Variants in UNC5D observed in about 807,000 individuals in gnomAD.
UNC5D encodes unc-5 netrin receptor D, also known as netrin receptor UNC5D.
In UNC5D, 39 loss-of-function variants were observed where a neutral mutation model predicts 105.4. That is an observed-to-expected ratio of 0.37 (90% confidence interval 0.29 to 0.48). The LOEUF (loss-of-function observed/expected upper bound fraction) is 0.48. Ranked by LOEUF, UNC5D falls within the 20% of genes least tolerant of loss-of-function variation. UNC5D has a pLI of 0.98. For missense variants in UNC5D, 991 were observed against 1,202.4 expected (o/e 0.82, Z 2.60); for synonymous variants, 452 against 450.4 (o/e 1.00, Z -0.04).
intron 4 of UNC5D, among the ~76,000 whole-genome samples, chr8:35,647,326 T>C (rs1823113507): frequency 6.6e-6 from 1 of 152,016 alleles, no homozygotes; most frequent in African/African-American, 2.4e-5. Flanking sequence ...TTCTTTAGGC[T>C]ATGGTACATT....
At chr8:35,258,481 T>G (rs1455828129) in intron 1 of UNC5D, among the ~76,000 whole-genome samples, 1 of 152,184 alleles carries the variant, frequency 6.6e-6, no homozygotes, top group Non-Finnish European at 1.5e-5. Flanking sequence ...TTATGAGCTG[T>G]GTGTCCTTAG....
At chr8:35,405,342 A>G (rs1314562413) in intron 1 of UNC5D, among the ~76,000 whole-genome samples, 1 of 152,190 alleles carries the variant, frequency 6.6e-6, no homozygotes, top group Non-Finnish European at 1.5e-5. Flanking sequence ...TTGTATCCTA[A>G]TTAACATGTT....
intron 16 of UNC5D, among the ~76,000 whole-genome samples, chr8:35,789,808 G>A (rs1802944827): frequency 6.6e-6 from 1 of 151,754 alleles, no homozygotes; most frequent in Non-Finnish European, 1.5e-5. Context: ...AGTAGAGAGG[G>A]GTCAAATATT....
At chr8:35,293,616 T>C (rs1279965414) in intron 1 of UNC5D, among the ~76,000 whole-genome samples, 1 of 152,206 alleles carries the variant, frequency 6.6e-6, no homozygotes, top group Non-Finnish European at 1.5e-5. Flanking sequence ...CCACAATCTC[T>C]TTCGTGATTT....
intron 16 of UNC5D, among the ~76,000 whole-genome samples, chr8:35,780,420 A>G (rs548288407): frequency 6.6e-6 from 1 of 152,184 alleles, no homozygotes; most frequent in South Asian, 2.1e-4. Flanking sequence ...CATCCTATTA[A>G]TTGGATGCAA....
At chr8:35,602,399 G>A (rs1386731072) in intron 4 of UNC5D, among the ~76,000 whole-genome samples, 1 of 152,162 alleles carries the variant, frequency 6.6e-6, no homozygotes, top group Non-Finnish European at 1.5e-5. Context: ...TGTACCTCTG[G>A]TAGAATTCGG....
At chr8:35,551,006 G>A (rs1177790796) in intron 2 of UNC5D, among the ~76,000 whole-genome samples, 1 of 152,192 alleles carries the variant, frequency 6.6e-6, no homozygotes, top group East Asian at 1.9e-4. Context: ...TCAATGGCAT[G>A]AAAGGCCTCA....
chr8:35,259,169 G>A (rs949846626), intron 1 of UNC5D, among the ~76,000 whole-genome samples: 1 of 152,136 alleles, frequency 6.6e-6, no homozygotes, highest in Admixed American at 6.5e-5. Flanking sequence ...CTAACAGTGG[G>A]GTGGAGAAGG....
intron 1 of UNC5D, among the ~76,000 whole-genome samples, chr8:35,297,413 G>T (rs538217217): frequency 3.4e-4 from 51 of 152,230 alleles, no homozygotes; most frequent in African/African-American, 1.1e-3. Context: ...ATGATGTCGT[G>T]ACCAACTGCT....
chr8:35,670,237 TGACCTTAGCAAGAGCCAC>T (rs2131271073), intron 4 of UNC5D, among the ~76,000 whole-genome samples: 1 of 152,282 alleles, frequency 6.6e-6, no homozygotes, highest in South Asian at 2.1e-4. Flanking sequence ...AAATCCTTAA[TGACCTTAGCAAGAGCCAC>T]TTCGGTGATT....
chr8:35,579,500 C>T (rs911064811), intron 3 of UNC5D, among the ~76,000 whole-genome samples: 3 of 152,010 alleles, frequency 2.0e-5, no homozygotes, highest in Admixed American at 2.0e-4. Context: ...TTTACTGATC[C>T]CTGAGGCCTA....
At chr8:35,455,575 G>A (rs916824713) in intron 1 of UNC5D, among the ~76,000 whole-genome samples, 4 of 151,858 alleles carry the variant, frequency 2.6e-5, no homozygotes, top group African/African-American at 7.3e-5. Context: ...CACCACACCA[G>A]GCCAAAGGTA....
chr8:35,253,710 C>T (rs1301566432), intron 1 of UNC5D, among the ~76,000 whole-genome samples: 3 of 151,786 alleles, frequency 2.0e-5, no homozygotes, highest in Non-Finnish European at 2.9e-5. Context: ...AGGATGATTT[C>T]GATTTCCTGA....
At chr8:35,755,246 T>TAAGA (rs1262331746) in intron 13 of UNC5D, among the ~76,000 whole-genome samples, 1 of 152,084 alleles carries the variant, frequency 6.6e-6, no homozygotes, top group African/African-American at 2.4e-5. Context: ...CTATCTTATC[T>TAAGA]AAGAAAGAAA....
chr8:35,757,159 T>C (rs57917672), intron 13 of UNC5D, among the ~76,000 whole-genome samples: 11,424 of 152,230 alleles, frequency 0.075, 1,171 homozygotes, highest in African/African-American at 0.23. Context: ...TAGAATTTTA[T>C]GCTGCTATCT....
intron 1 of UNC5D, among the ~76,000 whole-genome samples, chr8:35,450,342 T>C (rs1563430313): frequency 6.6e-6 from 1 of 152,122 alleles, no homozygotes; most frequent in Non-Finnish European, 1.5e-5. Flanking sequence ...CGGAGAATAA[T>C]CCTCAAAAAG....
chr8:35,246,011 C>G (rs558317674), intron 1 of UNC5D, among the ~76,000 whole-genome samples: 10 of 152,256 alleles, frequency 6.6e-5, no homozygotes, highest in African/African-American at 2.4e-4. Flanking sequence ...TATGCTCGGT[C>G]TTTTCTTGTT....
At chr8:35,401,782 G>A (rs539062925) in intron 1 of UNC5D, among the ~76,000 whole-genome samples, 2 of 152,224 alleles carry the variant, frequency 1.3e-5, no homozygotes, top group South Asian at 2.1e-4. Context: ...TAATGTGTAC[G>A]GGTTCTCTAG....
chr8:35,695,057 A>G (rs540144069), intron 7 of UNC5D, among the ~76,000 whole-genome samples: 43 of 152,314 alleles, frequency 2.8e-4, no homozygotes, highest in African/African-American at 1.0e-3. Context: ...TCTATAGAAG[A>G]CATTATTTAT....
Sources: gnomAD v4.1 joint callset for allele counts (sites outside exome capture counted in the v4.1 genomes callset) on GRCh38, gnomAD v4.1.1 for gene constraint, MANE v1.5 for transcripts, NCBI Gene and HGNC (gene_info 2026-07-23, HGNC 2026-07-21) for gene names.